PDE7B: variants seen among roughly 807,000 people sequenced by gnomAD.
The protein encoded by PDE7B is 3',5'-cyclic-AMP phosphodiesterase 7B.
A neutral mutation model predicts 56.2 loss-of-function variants in PDE7B; 29 were observed. The ratio of observed to expected loss-of-function variants is 0.52; its 90% CI spans 0.38 to 0.70. PDE7B has a LOEUF of 0.70. Ranked by LOEUF, PDE7B falls within the 30% of genes least tolerant of loss-of-function variation. The probability of loss-of-function intolerance (pLI) is 0.00; values close to 1 mark genes in which losing one functional copy is unlikely to be tolerated. For missense variants in PDE7B, 490 were observed against 565.0 expected, an observed-to-expected ratio of 0.87 and a Z score of 1.35; for synonymous variants, 197 against 196.9, an observed-to-expected ratio of 1.00 and a Z score of 0.00.
chr6:136,008,098 G>A (rs892075203), intron 2 of PDE7B, among the ~76,000 whole-genome samples: 28 of 150,818 alleles, frequency 1.9e-4, no homozygotes, highest in African/African-American at 3.2e-4. Context: ...GTTTTTTGTC[G>A]TTGCAATAGT....
At chr6:136,092,059 A>G (rs368342572) in intron 2 of PDE7B, among the ~76,000 whole-genome samples, 18 of 152,350 alleles carry the variant, frequency 1.2e-4, no homozygotes, top group African/African-American at 4.1e-4. Context: ...ATCATCCTGT[A>G]GCATAAAAAT....
chr6:136,187,584 G>A (rs749389768), intron 12 of PDE7B, among the ~76,000 whole-genome samples: 4 of 152,008 alleles, frequency 2.6e-5, no homozygotes, highest in Non-Finnish European at 5.9e-5. Context: ...CCGCATCCTG[G>A]GATTCCCAGT....
chr6:136,119,997 C>T (rs1777903961), intron 3 of PDE7B, among the ~76,000 whole-genome samples: 1 of 152,298 alleles, frequency 6.6e-6, no homozygotes, highest in Non-Finnish European at 1.5e-5. Context: ...ACCCCTGGTC[C>T]TCTGATTCCT....
chr6:135,906,827 T>TTTTTTTTTTTTTTTTTTTTTTTTTTTG (rs1554265693), intron 1 of PDE7B, among the ~76,000 whole-genome samples: 1 of 133,544 alleles, frequency 7.5e-6, no homozygotes, highest in Non-Finnish European at 1.6e-5. Context: ...TTTTTTTTTT[T>TTTTTTTTTTTTTTTTTTTTTTTTTTTG]TTTTTTTTTA....
intron 1 of PDE7B, among the ~76,000 whole-genome samples, chr6:135,911,745 T>C (rs1260651408): frequency 1.3e-5 from 2 of 152,188 alleles, no homozygotes; most frequent in African/African-American, 4.8e-5. Context: ...AAGTCTCTTG[T>C]AGATTTTGAG....
chr6:136,092,267 G>A (rs1777399462), intron 2 of PDE7B, among the ~76,000 whole-genome samples: 1 of 152,154 alleles, frequency 6.6e-6, no homozygotes, highest in African/African-American at 2.4e-5. Context: ...TTAAAATCAT[G>A]TAATTGGGTT....
intron 1 of PDE7B, among the ~76,000 whole-genome samples, chr6:135,857,048 C>CCCTCCCTCCCTG (rs1562412222): frequency 1.4e-5 from 1 of 69,976 alleles, no homozygotes; most frequent in Admixed American, 1.6e-4. Flanking sequence ...CTCCCTCCCT[C>CCCTCCCTCCCTG]CCTCCCTTCC....
rs576162787 is a variant in PDE7B at position 136,127,935 on chromosome 6, C to A, written c.166+19121C>A. Among the ~76,000 whole-genome samples, 56 of 152,320 alleles carry A rather than the reference C, an allele frequency of 3.7e-4. 1 individual carries two copies. In the South Asian group the frequency reaches 0.011, roughly 31 times the overall value. On this transcript the variant is annotated intron_variant, in intron 3 of 12. Coordinates refer to ENST00000308191, the MANE Select transcript of PDE7B (RefSeq NM_018945.4). Reference sequence around the variant, plus strand: ...CTTAACTTCTGAACTTTTTGCTCTGCTGTGATCTTTCTGACACTTTGAAGA... The same window carrying A: ...CTTAACTTCTGAACTTTTTGCTCTGATGTGATCTTTCTGACACTTTGAAGA...
chr6:135,884,909 G>C (rs1159948383), intron 1 of PDE7B, among the ~76,000 whole-genome samples: 1 of 152,104 alleles, frequency 6.6e-6, no homozygotes, highest in Non-Finnish European at 1.5e-5. Flanking sequence ...AACTTAGTTA[G>C]CATTCTACAG....
At chr6:136,168,891 C>T (rs144075634) in intron 8 of PDE7B, among the ~76,000 whole-genome samples, 1 of 152,166 alleles carries the variant, frequency 6.6e-6, no homozygotes, top group African/African-American at 2.4e-5. Flanking sequence ...TTTTTTTGAG[C>T]AACAACTATA....
chr6:135,901,945 G>A (rs989887801), intron 1 of PDE7B, among the ~76,000 whole-genome samples: 1 of 152,110 alleles, frequency 6.6e-6, no homozygotes, highest in Admixed American at 6.6e-5. Flanking sequence ...CTGACCTTGG[G>A]AGTGTTCCTG....
intron 1 of PDE7B, among the ~76,000 whole-genome samples, chr6:135,910,126 G>A (rs1242799026): frequency 2.0e-5 from 3 of 152,200 alleles, no homozygotes; most frequent in Admixed American, 1.3e-4. Context: ...TCTGACATGC[G>A]ATATAGCTGT....
At chr6:135,931,267 C>T (rs73775621) in intron 1 of PDE7B, among the ~76,000 whole-genome samples, 2,225 of 152,270 alleles carry the variant, frequency 0.015, 66 homozygotes, top group African/African-American at 0.05. Context: ...CTCCTTTATT[C>T]CTCAATTTCA....
At chr6:135,967,842 A>G (rs1345212629) in intron 2 of PDE7B, among the ~76,000 whole-genome samples, 1 of 152,190 alleles carries the variant, frequency 6.6e-6, no homozygotes, top group Admixed American at 6.5e-5. Context: ...AGATATCCAC[A>G]AGGGGCCAGC....
Position 136,148,470 on chromosome 6 carries a change from A to AGGCAGGC in PDE7B, c.319-617_319-616insGGCAGGC, listed in dbSNP as rs374978896. 6.4e-3 allele frequency among the ~76,000 whole-genome samples: 834 copies of AGGCAGGC among 130,204 alleles called. 10 individuals are homozygous for AGGCAGGC. Among genetic ancestry groups the AGGCAGGC allele is most frequent in the Non-Finnish European group, 9.3e-3 (583 of 62,774 alleles). The allele number at this position is 130,204 out of a possible 152,430, so 85.4% of individuals were successfully genotyped here. On this transcript the variant is annotated intron_variant, in intron 4 of 12. Transcript: ENST00000308191. ...GTGGGAGGGAGGGAGGGAAGGAAGG[A>AGGCAGGC]AGGCAGGCAGGCAGGCAGGCAGGCA... is the stretch of plus-strand genomic sequence containing the variant.
chr6:135,955,752 TGTCAGAGAGAACAGAAGGTGC>T (rs1420845763), intron 2 of PDE7B, among the ~76,000 whole-genome samples: 1 of 152,112 alleles, frequency 6.6e-6, no homozygotes, highest in Non-Finnish European at 1.5e-5. Context: ...ATTGAGACAG[TGTCAGAGAGAACAGAAGGTGC>T]AAAATACAGG....
chr6:136,175,508 T>C (rs1348393894), intron 9 of PDE7B, among the ~76,000 whole-genome samples: 1 of 152,176 alleles, frequency 6.6e-6, no homozygotes, highest in Non-Finnish European at 1.5e-5. Context: ...GCCATCCAGG[T>C]ATAGTTCATG....
intron 2 of PDE7B, among the ~76,000 whole-genome samples, chr6:136,071,728 G>A (rs192037940): frequency 6.6e-6 from 1 of 152,246 alleles, no homozygotes; most frequent in Admixed American, 6.5e-5. Flanking sequence ...AAAAGTTCGA[G>A]GCTTCACTGA....
intron 1 of PDE7B, among the ~76,000 whole-genome samples, chr6:135,899,126 A>T (rs1407243326): frequency 6.6e-6 from 1 of 152,018 alleles, no homozygotes; most frequent in East Asian, 1.9e-4. Flanking sequence ...TTTGCTCCTC[A>T]TTCACCTTCT....
Sources: gnomAD v4.1 joint callset for allele counts (sites outside exome capture counted in the v4.1 genomes callset) on GRCh38, gnomAD v4.1.1 for gene constraint, MANE v1.5 for transcripts, NCBI Gene and HGNC (gene_info 2026-07-23, HGNC 2026-07-21) for gene names.